Variants in GLIS3 observed in about 807,000 individuals in gnomAD.
The protein encoded by GLIS3 is zinc finger protein GLIS3.
A neutral mutation model predicts 78.6 loss-of-function variants in GLIS3; 53 were observed. That is an observed-to-expected ratio of 0.67 (90% CI 0.54 to 0.85). The LOEUF is 0.85. GLIS3 is among the 40% of genes least tolerant of loss of function. GLIS3 has a pLI of 0.00. For missense variants in GLIS3, 1,703 were observed against 1,231.1 expected (o/e 1.38, Z -5.74); for synonymous variants, 684 against 509.9 (o/e 1.34, Z -4.60).
At chr9:4,439,163 C>G in the GLIS3 span, among the ~76,000 whole-genome samples, 1 of 152,160 alleles carries the variant, frequency 6.6e-6, no homozygotes, top group African/African-American at 2.4e-5. Flanking sequence ...TTCCAATTCC[C>G]TAATCATCCC....
chr9:3,915,076 G>C (rs1323511296), intron 6 of GLIS3, among the ~76,000 whole-genome samples: 1 of 152,096 alleles, frequency 6.6e-6, no homozygotes, highest in African/African-American at 2.4e-5. Flanking sequence ...CCTCTCCTTG[G>C]TCATCAGAAA....
the GLIS3 span, among the ~76,000 whole-genome samples, chr9:4,453,769 G>A: frequency 2.0e-5 from 3 of 152,012 alleles, no homozygotes; most frequent in African/African-American, 4.8e-5. Flanking sequence ...AACACTGCAT[G>A]TTCTCACTCA....
intron 2 of GLIS3, among the ~76,000 whole-genome samples, chr9:4,233,145 T>C (rs1045427919): frequency 1.3e-5 from 2 of 152,192 alleles, no homozygotes; most frequent in South Asian, 4.1e-4. Context: ...AGAGAGAGTG[T>C]TCCCAGGCTG....
intron 2 of GLIS3, among the ~76,000 whole-genome samples, chr9:4,146,918 A>T (rs1834265993): frequency 6.6e-6 from 1 of 152,224 alleles, no homozygotes; most frequent in Admixed American, 6.5e-5. Flanking sequence ...TTCGACTTTT[A>T]AAAACTATCT....
intron 4 of GLIS3, among the ~76,000 whole-genome samples, chr9:3,986,022 A>G (rs1307068094): frequency 6.6e-6 from 1 of 152,248 alleles, no homozygotes. Context: ...ATTAAGCAAG[A>G]AACAGTCAAG....
At chr9:4,041,035 G>T (rs1255739838) in intron 4 of GLIS3, among the ~76,000 whole-genome samples, 1 of 152,064 alleles carries the variant, frequency 6.6e-6, no homozygotes, top group African/African-American at 2.4e-5. Flanking sequence ...TGAAAGTGAA[G>T]GATAGTTATG....
intron 2 of GLIS3, among the ~76,000 whole-genome samples, chr9:4,174,702 C>T (rs1012563411): frequency 2.2e-4 from 33 of 152,272 alleles, no homozygotes; most frequent in African/African-American, 7.7e-4. Flanking sequence ...GAAATACTGG[C>T]TTTTAAATCC....
intron 2 of GLIS3, among the ~76,000 whole-genome samples, chr9:4,276,598 T>G (rs967131837): frequency 1.3e-5 from 2 of 151,702 alleles, no homozygotes; most frequent in Non-Finnish European, 2.9e-5. Flanking sequence ...TATAGGTGAC[T>G]AATGAAAGTT....
chr9:4,345,705 T>C (rs1051859226), intron 2 of GLIS3, among the ~76,000 whole-genome samples: 1 of 152,232 alleles, frequency 6.6e-6, no homozygotes, highest in Non-Finnish European at 1.5e-5. Context: ...AGAATGTTAA[T>C]AGGTAACATT....
At position 4,327,669 on chromosome 9, in the gene GLIS3, A is replaced by G. The variant is rs527448044; in HGVS notation, n.265-17141T>C. Among the ~76,000 whole-genome samples, 5 of 152,338 alleles carry G rather than the reference A, an allele frequency of 3.3e-5. No homozygotes were observed. The East Asian group carries it at 9.6e-4, about 29-fold the overall frequency. Reference sequence around the variant, plus strand: ...TGAATAAAGGCCAGTCAGTGCCACCACATCACACAACTCCAGGGGGCGCCA... The same window carrying G: ...TGAATAAAGGCCAGTCAGTGCCACCGCATCACACAACTCCAGGGGGCGCCA... On this transcript the variant is annotated intron_variant and non_coding_transcript_variant, in intron 2 of 4. Transcript: ENST00000471664.
At chr9:4,418,718 A>G in the GLIS3 span, among the ~76,000 whole-genome samples, 1 of 151,626 alleles carries the variant, frequency 6.6e-6, no homozygotes, top group African/African-American at 2.4e-5. Flanking sequence ...ACAAAAAAAA[A>G]CATATTGGAG....
chr9:4,398,632 G>A, the GLIS3 span, among the ~76,000 whole-genome samples: 1 of 151,946 alleles, frequency 6.6e-6, no homozygotes, highest in East Asian at 1.9e-4. Flanking sequence ...TCTTCCCCTG[G>A]CCCCAATCAC....
chr9:4,006,175 T>TA (rs1406947533), intron 4 of GLIS3, among the ~76,000 whole-genome samples: 1 of 152,096 alleles, frequency 6.6e-6, no homozygotes, highest in African/African-American at 2.4e-5. Flanking sequence ...CCTGGATCTC[T>TA]AATGTTAGGC....
At chr9:4,126,767 T>C (rs1231084273) in intron 2 of GLIS3, among the ~76,000 whole-genome samples, 2 of 152,230 alleles carry the variant, frequency 1.3e-5, no homozygotes, top group African/African-American at 2.4e-5. Flanking sequence ...TTTACATGGA[T>C]GCACTTTTTC....
At chr9:4,370,536 G>A in the GLIS3 span, among the ~76,000 whole-genome samples, 1 of 152,070 alleles carries the variant, frequency 6.6e-6, no homozygotes. Context: ...ATTTGGATTT[G>A]ATCACACCCT....
At chr9:4,408,728 A>AAAAC in the GLIS3 span, among the ~76,000 whole-genome samples, 1 of 129,926 alleles carries the variant, frequency 7.7e-6, no homozygotes. Context: ...CTCTGTCTCA[A>AAAAC]AAAAAAAAAA....
At chr9:4,255,602 A>C (rs1824851913) in intron 2 of GLIS3, among the ~76,000 whole-genome samples, 1 of 152,344 alleles carries the variant, frequency 6.6e-6, no homozygotes, top group South Asian at 2.1e-4. Context: ...TAAGTGAAAG[A>C]AGCCAGTCTG....
At chr9:4,177,011 T>G (rs567603331) in intron 2 of GLIS3, among the ~76,000 whole-genome samples, 1 of 152,232 alleles carries the variant, frequency 6.6e-6, no homozygotes, top group Non-Finnish European at 1.5e-5. Flanking sequence ...ATCAGTACAT[T>G]TAACCCCTGA....
intron 8 of GLIS3, among the ~76,000 whole-genome samples, chr9:3,871,510 C>A (rs1307869177): frequency 6.6e-6 from 1 of 152,224 alleles, no homozygotes; most frequent in Non-Finnish European, 1.5e-5. Context: ...CTTCTGAAAT[C>A]TAGACAGACG....
Sources: gnomAD v4.1 joint callset for allele counts (sites outside exome capture counted in the v4.1 genomes callset) on GRCh38, gnomAD v4.1.1 for gene constraint, MANE v1.5 for transcripts, NCBI Gene and HGNC (gene_info 2026-07-23, HGNC 2026-07-21) for gene names.